DST: variants seen among roughly 807,000 people sequenced by gnomAD.
DST encodes bullous pemphigoid antigen.
DST carries 253 observed loss-of-function variants against 875.2 expected under a neutral mutation model. The observed-to-expected ratio is 0.29, with a 90% confidence interval of 0.26 to 0.32. The LOEUF is 0.32. Ranked by LOEUF, DST falls within the 10% of genes least tolerant of loss-of-function variation. The pLI is 1.00. For missense variants in DST, 8,287 were observed against 9,111.6 expected (o/e 0.91, Z 3.68); for synonymous variants, 3,124 against 3,197.1 (o/e 0.98, Z 0.77).
chr6:56,695,195 T>TTCTC (rs1349015406), intron 9 of DST, among the ~76,000 whole-genome samples: 5 of 149,224 alleles, frequency 3.4e-5, no homozygotes, highest in Non-Finnish European at 7.4e-5. Context: ...CTCCTCCTCC[T>TTCTC]TCTCTCTCTC....
At position 56,603,411 on chromosome 6, in the gene DST, A is replaced by T; in HGVS notation, c.10951T>A (p.Leu3651Met). The T allele has an allele frequency of 6.2e-7, 1 of 1,610,060 alleles. No homozygotes were observed. Among genetic ancestry groups the T allele is most frequent in the Non-Finnish European group, 8.5e-7 (1 of 1,178,912 alleles). Residue 3651 changes from leucine to methionine, a missense_variant, in exon 42 of 104, where the codon TTG (leucine) becomes ATG (methionine). Transcript: ENST00000680361. ...NQLRQLETFE[L>M]GLAPIAVILR... ...ATAACAGCAATTGGAGCTAATCCCA[A>T]TTCAAATGTCTGCAAAGAAATATAT...
At chr6:56,568,738 A>G (rs2097724475) in intron 54 of DST, 143 bp from the exon 55 acceptor site, 1 of 719,638 alleles carries the variant, frequency 1.4e-6, no homozygotes, top group Non-Finnish European at 2.1e-6. Flanking sequence ...AAAGGCACCT[A>G]TTTGTTCCCA....
chr6:56,767,810 C>A (rs1222962216), intron 4 of DST, among the ~76,000 whole-genome samples: 1 of 151,918 alleles, frequency 6.6e-6, no homozygotes, highest in South Asian at 2.1e-4. Context: ...AGAAGGGGGG[C>A]ATCTGAATAA....
rs753031362 is a variant in DST, at chr6:56,560,285, G to A, written c.14440+9C>T. 23 of 1,586,860 alleles carry A rather than the reference G, an allele frequency of 1.4e-5. No homozygotes were observed. The highest frequency in any genetic ancestry group is 5.3e-5 in the Admixed American group (3 of 56,926). ...CTTCATAGGCATTCATCTAAGTAAC[G>A]CAACATACCTATTTCTGTCAACATC... On this transcript the variant is annotated intron_variant, in intron 58 of 103. Coordinates refer to ENST00000680361, the MANE Select transcript of DST (RefSeq NM_001374736.1).
At chr6:56,600,438 CT>C (rs1373205351) in intron 44 of DST, among the ~76,000 whole-genome samples, 1 of 151,996 alleles carries the variant, frequency 6.6e-6, no homozygotes, top group Non-Finnish European at 1.5e-5. Flanking sequence ...TTAGATGAAA[CT>C]GCTCAAGAGA....
intron 5 of DST, among the ~76,000 whole-genome samples, chr6:56,733,089 GAA>G (rs112517630): frequency 2.0e-5 from 3 of 152,146 alleles, no homozygotes; most frequent in African/African-American, 7.2e-5. Flanking sequence ...ATGTGTGGGA[GAA>G]GAAGAAAAGG....
rs373640073 is a variant in DST, at chr6:56,561,455, A to C, written c.14163T>G (p.Thr4721=). The change falls in exon 57 of 104, where the codon ACT becomes ACG. Residue 4721 remains threonine, a synonymous_variant. Coordinates refer to ENST00000680361, the MANE Select transcript of DST (RefSeq NM_001374736.1). The part of the protein sequence containing the change: ...LLKDKIAELN[T]KLSKLQKAQE... ...GAGCCTTTTGCAATTTGGAGAGTTT[A>C]GTGTTCAGTTCCGCTATTTTGTCCT... 2 of 1,613,898 alleles carry C rather than the reference A, an allele frequency of 1.2e-6. No individual in the cohort carries two copies.
chr6:56,698,038 T>C (rs574356678), intron 9 of DST, among the ~76,000 whole-genome samples: 1 of 152,306 alleles, frequency 6.6e-6, no homozygotes, highest in East Asian at 1.9e-4. Context: ...CAGTTCTGGT[T>C]ACTGGCTCTC....
intron 59 of DST, among the ~76,000 whole-genome samples, chr6:56,556,058 C>T (rs1462560425): frequency 1.3e-5 from 2 of 152,008 alleles, no homozygotes; most frequent in Non-Finnish European, 2.9e-5. Flanking sequence ...ATCCCATCCC[C>T]CTAAAGGAAA....
chr6:56,480,175 G>A (rs1054106066), intron 90 of DST, among the ~76,000 whole-genome samples: 20 of 152,068 alleles, frequency 1.3e-4, no homozygotes, highest in Non-Finnish European at 2.6e-4. Context: ...TGGAGTCAAC[G>A]TTCAATTGAC....
chr6:56,785,126 G>C (rs1278617922), intron 4 of DST, among the ~76,000 whole-genome samples: 1 of 152,236 alleles, frequency 6.6e-6, no homozygotes, highest in Non-Finnish European at 1.5e-5. Context: ...CGAGGTGTCA[G>C]TCTGCCCCTA....
chr6:56,690,865 T>C (rs927352103), intron 9 of DST, among the ~76,000 whole-genome samples: 6 of 152,194 alleles, frequency 3.9e-5, no homozygotes, highest in Non-Finnish European at 7.3e-5. Context: ...CTAAGAGGAA[T>C]AGCTAAACTC....
intron 4 of DST, among the ~76,000 whole-genome samples, chr6:56,829,110 A>G (rs1207763940): frequency 1.3e-5 from 2 of 152,224 alleles, no homozygotes; most frequent in Admixed American, 6.5e-5. Flanking sequence ...TATGAAAAAA[A>G]TCTTCCATTA....
intron 10 of DST, among the ~76,000 whole-genome samples, chr6:56,653,218 T>A (rs1036284291): frequency 6.6e-6 from 1 of 152,164 alleles, no homozygotes; most frequent in Non-Finnish European, 1.5e-5. Flanking sequence ...CAGAATGACA[T>A]AGTCATTTCA....
At position 56,464,771 on chromosome 6, in the gene DST, A is replaced by T; in HGVS notation, c.22688-15T>A. ...ATGATGATGAACTAGAAAAAATGAC[A>T]CAGGATACCAATCACATTAAAGAAT... On this transcript the variant is annotated splice_polypyrimidine_tract_variant and intron_variant, in intron 99 of 103. Coordinates refer to ENST00000680361, the MANE Select transcript of DST (RefSeq NM_001374736.1). 1 of 1,567,724 alleles carries T rather than the reference A, an allele frequency of 6.4e-7. No individual in the cohort carries two copies. Among genetic ancestry groups the T allele is most frequent in the Non-Finnish European group, 8.7e-7 (1 of 1,149,274 alleles).
chr6:56,874,609 G>A (rs564955375), intron 3 of DST, among the ~76,000 whole-genome samples: 1 of 152,236 alleles, frequency 6.6e-6, no homozygotes, highest in East Asian at 1.9e-4. Context: ...GGAAAACTAT[G>A]GCTAAAAGAG....
chr6:56,639,519 T>C lies in DST; in HGVS notation c.2790A>G (p.Glu930=). Residue 930 remains glutamate (E), a synonymous_variant, in exon 21 of 104, where the codon GAA becomes GAG. Coordinates refer to ENST00000680361, the MANE Select transcript of DST (RefSeq NM_001374736.1). ...TCCAGTCATAAGCAACTTCCTCCTC[T>C]TCTTTTTCATTCAACCAAATAAGTT... ...TNELIWLNEK[E]EEEVAYDWSE... is the part of the protein sequence containing the mutation. The C allele has an allele frequency of 6.2e-7, 1 of 1,613,972 alleles. No individual in the cohort carries two copies. The highest frequency in any genetic ancestry group is 8.5e-7 in the Non-Finnish European group (1 of 1,179,940).
chr6:56,683,481 C>G (rs1218331381), intron 9 of DST, among the ~76,000 whole-genome samples: 1 of 152,156 alleles, frequency 6.6e-6, no homozygotes, highest in East Asian at 1.9e-4. Context: ...ACATTAATAT[C>G]AAGTTATATG....
intron 80 of DST, among the ~76,000 whole-genome samples, chr6:56,500,072 G>A (rs1049642648): frequency 6.6e-6 from 1 of 152,076 alleles, no homozygotes; most frequent in African/African-American, 2.4e-5. Flanking sequence ...AACAATTACT[G>A]TGGGGAACTA....
Sources: allele counts gnomAD v4.1 joint callset (sites outside exome capture counted in the v4.1 genomes callset), GRCh38; gene constraint gnomAD v4.1.1; transcripts MANE v1.5; gene names NCBI Gene and HGNC (gene_info 2026-07-23, HGNC 2026-07-21).